The following KCNC3 variants were observed in gnomAD, a reference collection of about 807,000 sequenced individuals.
KCNC3 encodes potassium voltage-gated channel subfamily C member 3, also known as voltage-gated potassium channel KCNC3.
A neutral mutation model predicts 43.9 loss-of-function variants in KCNC3; 22 were observed. The observed-to-expected ratio is 0.50, with a 90% CI of 0.36 to 0.72. The LOEUF is 0.72. Among genes scored for constraint, KCNC3 ranks in the 30% least tolerant of loss-of-function variants. The pLI, the probability that KCNC3 is intolerant of heterozygous loss-of-function variation, is 0.00. For missense variants in KCNC3, 829 were observed against 1,073.8 expected, an observed-to-expected ratio of 0.77 and a Z score of 3.19; for synonymous variants, 492 against 488.0, an observed-to-expected ratio of 1.01 and a Z score of -0.11.
Position 50,320,247 on chromosome 19 carries a change from T to C in KCNC3, c.2273A>G (p.Ter758TrpextTer29). 3.7e-6 allele frequency: 2 copies of C among 542,154 alleles called. No individual in the cohort carries two copies. The highest frequency in any genetic ancestry group is 2.6e-6 in the Non-Finnish European group (1 of 390,312). The allele number at this position is 542,154 out of a possible 1,614,324, so 33.6% of individuals were successfully genotyped here. ...CCCCGGGGGGAGGGGGTTCGTCCAC[T>C]AGGGGGATATCCAGGCCGCGGCGTT... ...NANAAAWISP* is the reference protein window; with the variant it reads ...NANAAAWISPW Residue 758 changes from the stop codon to tryptophan (W), a stop_lost, in exon 4 of 5, where the codon TAG becomes TGG. Coordinates refer to ENST00000477616, the MANE Select transcript of KCNC3 (RefSeq NM_004977.3).
Position 50,323,149 on chromosome 19 carries a change from G to C in KCNC3, c.1804C>G (p.Pro602Ala). The C allele has an allele frequency of 1.3e-6, 2 of 1,534,310 alleles. No individual in the cohort carries two copies. The highest frequency in any genetic ancestry group is 1.7e-6 in the Non-Finnish European group (2 of 1,144,456). ...GGISPPPPIT[P>A]PSMGVTVAGA... ...GCCACAGTCACCCCCATGGAGGGTG[G>C]GGTGATGGGTGGCGGCGGGCTGATG... The change falls in exon 2 of 5, where the codon CCA becomes GCA. Residue 602 changes from proline to alanine, a missense_variant. Physicochemically the swap from Pro to Ala is conservative, Grantham distance 27. This residue lies in a region of KCNC3 where 308 missense variants were observed against 276.2 expected (regional missense o/e 1.11). Transcript: ENST00000477616.
In KCNC3 at chr19:50,314,425, C is replaced by T; in HGVS notation, c.*1690G>A. On this transcript the variant is annotated 3_prime_UTR_variant, in exon 5 of 5. Coordinates refer to ENST00000477616, the MANE Select transcript of KCNC3 (RefSeq NM_004977.3). ...GAGGTGCCACCCCCTTCCCAGAGTG[C>T]CTGCCCCTCAAACCCGCGCATGCGG... The T allele has an allele frequency of 5.7e-6, 1 of 176,880 alleles. No homozygotes were observed. Among genetic ancestry groups the T allele is most frequent in the Non-Finnish European group, 1.2e-5 (1 of 82,964 alleles). 11.0% of individuals were successfully genotyped at this position (176,880 alleles called of 1,614,324 possible). A position where few individuals can be genotyped will look rare whatever the true frequency, so the allele number is the denominator to read the frequency against.
Position 50,323,773 on chromosome 19 carries a change from G to A in KCNC3, c.1180C>T (p.Leu394Phe). 6.2e-7 allele frequency: 1 copy of A among 1,614,246 alleles called. No individual in the cohort carries two copies. Among genetic ancestry groups the A allele is most frequent in the Non-Finnish European group, 8.5e-7 (1 of 1,180,048 alleles). Reference protein sequence around the residue: ...IDCVAILPFYLEVGLSGLSSK... With the variant: ...IDCVAILPFYFEVGLSGLSSK... ...CTGAGGCCCGAGAGGCCCACCTCGA[G>A]ATAGAAGGGCAGGATGGCCACACAG... Residue 394 changes from leucine to phenylalanine, a missense_variant, in exon 2 of 5, where the codon CTC becomes TTC. By Grantham distance (22) the Leu-to-Phe change is conservative. This residue lies in a region of KCNC3 where 157 missense variants were observed against 293.5 expected (regional missense o/e 0.53). Coordinates refer to ENST00000477616, the MANE Select transcript of KCNC3 (RefSeq NM_004977.3).
chr19:50,316,131 G>T (rs1487202547), intron 4 of KCNC3, 40 bp from the exon 5 acceptor site: 2 of 404,658 alleles, frequency 4.9e-6, no homozygotes, highest in Admixed American at 4.5e-5. Context: ...GGTGGGGAGA[G>T]GATGGTCAGG....
At chr19:50,318,721 C>T (rs192920365) in intron 4 of KCNC3, among the ~76,000 whole-genome samples, 283 of 152,152 alleles carry the variant, frequency 1.9e-3, no homozygotes, top group Non-Finnish European at 3.5e-3. Flanking sequence ...GACTGTAAAC[C>T]GTGATGGCAG....
At position 50,315,955 on chromosome 19, in the gene KCNC3, T is replaced by C. The variant is rs2036946043; in HGVS notation, c.*160A>G. ...GTCTGGACAAAAGGTGTCTTGATCG[T>C]AGGAGGGAGGGCTTGGGGGGAGATT... On this transcript the variant is annotated 3_prime_UTR_variant, in exon 5 of 5. Coordinates refer to ENST00000477616, the MANE Select transcript of KCNC3 (RefSeq NM_004977.3). 1 of 322,016 alleles carries C rather than the reference T, an allele frequency of 3.1e-6. No individual in the cohort carries two copies. 19.9% of individuals were successfully genotyped at this position (322,016 alleles called of 1,614,324 possible).
Position 50,329,026 on chromosome 19 carries a change from C to G in KCNC3, c.57G>C (p.Gln19His). 7.5e-7 allele frequency: 1 copy of G among 1,326,530 alleles called. No individual in the cohort carries two copies. The highest frequency in any genetic ancestry group is 1.9e-5 in the South Asian group (1 of 53,138). 82.2% of individuals were successfully genotyped at this position (1,326,530 alleles called of 1,614,324 possible). A position where few individuals can be genotyped will look rare whatever the true frequency, so the allele number is the denominator to read the frequency against. ...GCGGCTGCGGCGGTGGCGCCGGCTGCTGCTTGCTGGCCCCCTGGCGCCCGC... is the reference window on the plus strand; with the variant it reads ...GCGGCTGCGGCGGTGGCGCCGGCTGGTGCTTGCTGGCCCCCTGGCGCCCGC... ...SFRGRQGASK[Q>H]QPAPPPQPPE... The change falls in exon 1 of 5, where the codon CAG (glutamine) becomes CAC (histidine). Residue 19 changes from glutamine (Q) to histidine (H), a missense_variant. This residue lies in a region of KCNC3 where 129 missense variants were observed against 83.6 expected (regional missense o/e 1.54). Coordinates refer to ENST00000477616, the MANE Select transcript of KCNC3 (RefSeq NM_004977.3).
At chr19:50,327,005 TG>T (rs1390462514) in intron 1 of KCNC3, among the ~76,000 whole-genome samples, 1 of 151,332 alleles carries the variant, frequency 6.6e-6, no homozygotes. Flanking sequence ...TATTTTGAGA[TG>T]AAAGTTTTAG....
Position 50,320,701 on chromosome 19 carries a change from C to G in KCNC3, c.2062G>C (p.Glu688Gln). The G allele has an allele frequency of 6.2e-7, 1 of 1,613,938 alleles. No homozygotes were observed. The highest frequency in any genetic ancestry group is 8.5e-7 in the Non-Finnish European group (1 of 1,179,966). ...PAIDQPAMSP[E>Q]DKSPITPGSR... ...CCAGGCGTGATGGGGCTCTTGTCTT[C>G]CGGGGACATGGCAGGCTGGTCAATG... is the stretch of plus-strand genomic sequence containing the variant. The change falls in exon 3 of 5, where the codon GAA (glutamate) becomes CAA (glutamine). Residue 688 changes from glutamate (E) to glutamine (Q), a missense_variant. Glu to Gln is a conservative substitution (Grantham distance 29, BLOSUM62 2). Around this residue, in one of 7 missense-constraint regions of KCNC3, gnomAD observed 308 missense variants for 276.2 expected, o/e 1.11. Transcript: ENST00000477616.
chr19:50,316,146 AC>A (rs1568569092), intron 4 of KCNC3, 55 bp from the exon 5 acceptor site: 4 of 394,878 alleles, frequency 1.0e-5, no homozygotes, highest in Admixed American at 4.6e-5. Flanking sequence ...GTCAGGGGAA[AC>A]CCCCCAACAC....
Position 50,315,201 on chromosome 19 carries a change from T to C in KCNC3, c.*914A>G, listed in dbSNP as rs572627885. 6.8e-6 allele frequency among the ~76,000 whole-genome samples: 1 copy of C among 147,622 alleles called. No homozygotes were observed. The highest frequency in any genetic ancestry group is 6.8e-5 in the Admixed American group (1 of 14,802). On this transcript the variant is annotated 3_prime_UTR_variant, in exon 5 of 5. Transcript: ENST00000477616. ...AAAAGGACGGATGACAAGAGACAGATGGACAGAGATGGACCAAGGAGATGG... is the reference window on the plus strand; with the variant it reads ...AAAAGGACGGATGACAAGAGACAGACGGACAGAGATGGACCAAGGAGATGG...
chr19:50,320,445 C>G (rs935501562), intron 3 of KCNC3, 96 bp from the exon 4 acceptor site: 1 of 688,388 alleles, frequency 1.5e-6, no homozygotes, highest in Non-Finnish European at 2.5e-6. Flanking sequence ...GGCGGGGGTA[C>G]AGGGAAGATC....
In KCNC3 at chr19:50,317,552, T is replaced by C. The variant is rs145553965; in HGVS notation, c.*24-1461A>G. ...GCTTCCCTTCACGTTTAAGATAAAG[T>C]CCCGCCTCCTCACCATGGCCGAAAA... On this transcript the variant is annotated intron_variant, in intron 4 of 4. Transcript: ENST00000477616. Among the ~76,000 whole-genome samples, 543 of 152,124 alleles carry C rather than the reference T, an allele frequency of 3.6e-3. 2 individuals carry two copies. Among genetic ancestry groups the C allele is most frequent in the Non-Finnish European group, 5.6e-3 (381 of 67,988 alleles).
In KCNC3 at chr19:50,324,873, C is replaced by A. The variant is rs987042708; in HGVS notation, c.871-791G>T. On this transcript the variant is annotated intron_variant, in intron 1 of 4. Transcript: ENST00000477616. The surrounding 1 kb of genome is among the most constrained non-coding windows in gnomAD (Gnocchi z 4.1). ...CACAGAGGGGAGGTGGGGGTCCGGG[C>A]CCTTAAGGGAGGAGGGGTTGAAGGG... is the stretch of plus-strand genomic sequence containing the variant. 8.6e-5 allele frequency among the ~76,000 whole-genome samples: 13 copies of A among 151,702 alleles called. No homozygotes were observed. Among genetic ancestry groups the A allele is most frequent in the Non-Finnish European group, 1.9e-4 (13 of 67,948 alleles).
rs1241436897 is a variant in KCNC3 at position 50,323,503 on chromosome 19, G to A, written c.1450C>T (p.His484Tyr). 6.2e-7 allele frequency: 1 copy of A among 1,614,100 alleles called. No individual in the cohort carries two copies. Among genetic ancestry groups the A allele is most frequent in the Non-Finnish European group, 8.5e-7 (1 of 1,180,048 alleles). The change falls in exon 2 of 5, where the codon CAC becomes TAC. Residue 484 changes from histidine (H) to tyrosine (Y), a missense_variant. By Grantham distance (83) the His-to-Tyr change is moderately conservative (BLOSUM62 2). Transcript: ENST00000477616. ...ATGGGGATGTTCTTGAAGTAGGTGTGGTTGGAGCCCAGGATGTCATCGGGG... is the reference window on the plus strand; with the variant it reads ...ATGGGGATGTTCTTGAAGTAGGTGTAGTTGGAGCCCAGGATGTCATCGGGG... Reference protein sequence around the residue: ...ADPDDILGSNHTYFKNIPIGF... With the variant: ...ADPDDILGSNYTYFKNIPIGF...
At chr19:50,332,951 T>A (rs1466972430), upstream of KCNC3, among the ~76,000 whole-genome samples, 1 of 152,110 alleles carries the variant, frequency 6.6e-6, no homozygotes, top group Non-Finnish European at 1.5e-5. The surrounding 1 kb of genome is among the most constrained non-coding windows in gnomAD (Gnocchi z 5.8). Flanking sequence ...CCCACCCGGT[T>A]CCATTCGGAG....
At chr19:50,330,676 G>C (rs764671798), upstream of KCNC3, among the ~76,000 whole-genome samples, 16 of 152,140 alleles carry the variant, frequency 1.1e-4, no homozygotes, top group Non-Finnish European at 2.2e-4. Flanking sequence ...GGAGAGGGGA[G>C]AGGCCAAAGC....
chr19:50,328,369 C>T lies in KCNC3; in HGVS notation c.714G>A (p.Ala238=). 5.0e-6 allele frequency: 6 copies of T among 1,201,814 alleles called. No individual in the cohort carries two copies. The highest frequency in any genetic ancestry group is 6.2e-6 in the Non-Finnish European group (6 of 971,004). 74.4% of individuals were successfully genotyped at this position (1,201,814 alleles called of 1,614,324 possible). A position where few individuals can be genotyped will look rare whatever the true frequency, so the allele number is the denominator to read the frequency against. Residue 238 remains alanine (A), a synonymous_variant, in exon 1 of 5, where the codon GCG becomes GCA. Coordinates refer to ENST00000477616, the MANE Select transcript of KCNC3 (RefSeq NM_004977.3). The stretch of plus-strand genomic sequence containing the variant: ...AGCAGAGGCGCTTGAGCTCGCCGCC[C>T]GCTCCGTCCAGGCCGCCGCCGCCCG... ...AGAGGGGLDG[A]GGELKRLCFQ... is the part of the protein sequence containing the mutation.
chr19:50,315,941 A>T lies in KCNC3; in HGVS notation c.*174T>A. On this transcript the variant is annotated 3_prime_UTR_variant, in exon 5 of 5. Transcript: ENST00000477616. ...ACGCTAAGGGAGCTGTCTGGACAAA[A>T]GGTGTCTTGATCGTAGGAGGGAGGG... is the stretch of plus-strand genomic sequence containing the variant. 1 of 327,856 alleles carries T rather than the reference A, an allele frequency of 3.1e-6. No individual in the cohort carries two copies. 20.3% of individuals were successfully genotyped at this position (327,856 alleles called of 1,614,324 possible).
Sources: allele counts gnomAD v4.1 joint callset (sites outside exome capture counted in the v4.1 genomes callset), GRCh38; gene constraint gnomAD v4.1.1; regional missense constraint gnomAD v4.1.1; non-coding constraint Gnocchi (gnomAD v3.1); transcripts MANE v1.5; gene names NCBI Gene and HGNC (gene_info 2026-07-23, HGNC 2026-07-21).